FBN1: variants seen among roughly 807,000 people sequenced by gnomAD.
The protein encoded by FBN1 is fibrillin 1.
Under a neutral mutation model 365.1 loss-of-function variants are expected in FBN1, and 29 were observed. That is an observed-to-expected ratio of 0.08 (90% CI 0.06 to 0.11). The LOEUF is 0.11. Among genes scored for constraint, FBN1 ranks in the 10% least tolerant of loss-of-function variants. The pLI, the probability that FBN1 is intolerant of heterozygous loss-of-function variation, is 1.00. For missense variants in FBN1, 2,476 were observed against 3,703.2 expected (o/e 0.67, Z 8.60); for synonymous variants, 1,210 against 1,270.5 (o/e 0.95, Z 1.01).
At position 48,644,822 on chromosome 15, in the gene FBN1, T is replaced by TCTGCGGCCGCCG; in HGVS notation, c.-65_-54dup. On this transcript the variant is annotated 5_prime_UTR_variant, in exon 2 of 66. Transcript: ENST00000316623. Reference sequence around the variant, plus strand: ...GCCTCTTGCCGCGCCCGGGGCTCGGTCTGCGGCCGCCGCTGCGCCCTGAAG... The same window carrying TCTGCGGCCGCCG: ...GCCTCTTGCCGCGCCCGGGGCTCGGTCTGCGGCCGCCGCTGCGGCCGCCGCTGCGCCCTGAAG... 4 of 1,560,758 alleles carry TCTGCGGCCGCCG rather than the reference T, an allele frequency of 2.6e-6. No individual in the cohort carries two copies. The highest frequency in any genetic ancestry group is 1.1e-5 in the South Asian group (1 of 88,332).
Position 48,445,443 on chromosome 15 carries a change from T to A in FBN1, c.5850A>T (p.Thr1950=). Residue 1950 remains threonine (T), a synonymous_variant, in exon 48 of 66, where the codon ACA becomes ACT. Coordinates refer to ENST00000316623, the MANE Select transcript of FBN1 (RefSeq NM_000138.5). ...TGCACTGGCACTGGAAAGACCCCAC[T>A]GTATTAATGCATTGGCCATTTCTGC... ...NLCRNGQCIN[T]VGSFQCQCNE... The A allele has an allele frequency of 6.2e-7, 1 of 1,612,878 alleles. No individual in the cohort carries two copies.
At chr15:48,602,381 G>A (rs1044163384) in intron 4 of FBN1, among the ~76,000 whole-genome samples, 2 of 152,140 alleles carry the variant, frequency 1.3e-5, no homozygotes, top group African/African-American at 4.8e-5. Flanking sequence ...GAGTGGGAGA[G>A]CATTAATTAT....
At chr15:48,502,661 T>C (rs537578285) in intron 17 of FBN1, among the ~76,000 whole-genome samples, 2 of 152,356 alleles carry the variant, frequency 1.3e-5, no homozygotes, top group South Asian at 4.1e-4. Context: ...TAATCTATTC[T>C]TGTTTTATAA....
intron 2 of FBN1, among the ~76,000 whole-genome samples, chr15:48,621,085 T>C (rs1450873637): frequency 6.6e-6 from 1 of 152,136 alleles, no homozygotes; most frequent in African/African-American, 2.4e-5. Context: ...AAAAAATAAA[T>C]ATCCATAAGT....
chr15:48,494,963 T>C (rs868817672), intron 22 of FBN1, among the ~76,000 whole-genome samples, 160 bp downstream of exon 22: 1 of 152,214 alleles, frequency 6.6e-6, no homozygotes, highest in African/African-American at 2.4e-5. Context: ...CACATAAAAT[T>C]TGACACTTCT....
chr15:48,567,888 T>C (rs1362711467), intron 6 of FBN1, among the ~76,000 whole-genome samples: 1 of 151,970 alleles, frequency 6.6e-6, no homozygotes, highest in Non-Finnish European at 1.5e-5. Flanking sequence ...GCTTTCTTTC[T>C]AATATCAGGA....
intron 4 of FBN1, among the ~76,000 whole-genome samples, chr15:48,608,205 A>T (rs1450970841): frequency 6.6e-6 from 1 of 152,220 alleles, no homozygotes; most frequent in Non-Finnish European, 1.5e-5. Context: ...CACTTCTTCC[A>T]TTCTGTTCAT....
At chr15:48,499,712 A>G (rs917364265) in intron 17 of FBN1, among the ~76,000 whole-genome samples, 8 of 146,824 alleles carry the variant, frequency 5.4e-5, no homozygotes, top group Non-Finnish European at 1.0e-4. Flanking sequence ...CTTAAAATTA[A>G]TACCATGTTT....
intron 2 of FBN1, among the ~76,000 whole-genome samples, chr15:48,638,618 T>A (rs1597648855): frequency 2.2e-4 from 1 of 4,496 alleles, no homozygotes; most frequent in South Asian, 0.012. Context: ...ACATCAGAGC[T>A]TTTTTTTTTT....
chr15:48,542,696 C>G (rs774057165), intron 6 of FBN1, among the ~76,000 whole-genome samples: 23 of 151,706 alleles, frequency 1.5e-4, no homozygotes, highest in Non-Finnish European at 3.4e-4. Context: ...CCATGGAACC[C>G]GATTCAGTAG....
intron 34 of FBN1, among the ~76,000 whole-genome samples, chr15:48,473,163 T>C (rs1007227511): frequency 3.3e-5 from 5 of 152,220 alleles, no homozygotes; most frequent in African/African-American, 1.2e-4. Flanking sequence ...TACATGGAAT[T>C]TGAATATGTT....
chr15:48,558,266 A>G (rs1173067839), intron 6 of FBN1, among the ~76,000 whole-genome samples: 1 of 152,236 alleles, frequency 6.6e-6, no homozygotes, highest in Non-Finnish European at 1.5e-5. Flanking sequence ...AGTTCAGCAC[A>G]TAAAAAATTA....
rs756439349 is a variant in FBN1 at position 48,428,523 on chromosome 15, T to C, written c.6872-52A>G. The stretch of plus-strand genomic sequence containing the variant: ...AACAAGAAGAGTCATCTGACCATTT[T>C]ATAGAGGATGGAGCTCCTTCCTTCG... On this transcript the variant is annotated intron_variant, in intron 56 of 65. Transcript: ENST00000316623. 3.7e-6 allele frequency: 6 copies of C among 1,606,488 alleles called. No individual in the cohort carries two copies. In the South Asian group the frequency reaches 5.5e-5, roughly 15 times the overall value.
chr15:48,521,609 C>T (rs1032776377), intron 9 of FBN1, among the ~76,000 whole-genome samples: 7 of 152,120 alleles, frequency 4.6e-5, no homozygotes, highest in East Asian at 1.9e-4. Context: ...TCATGACATC[C>T]GACACACTGC....
chr15:48,490,086 A>G lies in FBN1; in HGVS notation c.2855-8T>C, dbSNP rs193922195. 7 of 1,613,386 alleles carry G rather than the reference A, an allele frequency of 4.3e-6. No homozygotes were observed. The South Asian group carries it at 7.7e-5, about 18-fold the overall frequency. On this transcript the variant is annotated splice_region_variant and splice_polypyrimidine_tract_variant and intron_variant, in intron 24 of 65. Coordinates refer to ENST00000316623, the MANE Select transcript of FBN1 (RefSeq NM_000138.5). ...AGGTTTCCAGGCGGATATCTGTCAG[A>G]GGGAATCAAGGGAGGTTAAATAGAG...
At position 48,446,691 on chromosome 15, in the gene FBN1, A is replaced by G. The variant is rs543458649; in HGVS notation, c.5788+15T>C. On this transcript the variant is annotated intron_variant, in intron 47 of 65. Transcript: ENST00000316623. ...AACTGACTTCCTTTGCTGATGCACA[A>G]TTTTGCACACGCACCTATACAGTCA... 27 of 1,524,958 alleles carry G rather than the reference A, an allele frequency of 1.8e-5. No homozygotes were observed. The highest frequency in any genetic ancestry group is 1.6e-4 in the East Asian group (7 of 44,518). 94.5% of individuals were successfully genotyped at this position (1,524,958 alleles called of 1,614,324 possible).
At chr15:48,523,914 T>G (rs1022214219) in intron 9 of FBN1, among the ~76,000 whole-genome samples, 2 of 152,238 alleles carry the variant, frequency 1.3e-5, no homozygotes, top group Admixed American at 6.5e-5. Flanking sequence ...TTTTCTCCCC[T>G]TTTGAATCAC....
chr15:48,520,877 C>T lies in FBN1; in HGVS notation c.989-60G>A. Reference sequence around the variant, plus strand: ...CGCTGAGATAATACTTGTAACAACACTCCCCTGCCCGAGCAGCTCCATACT... The same window carrying T: ...CGCTGAGATAATACTTGTAACAACATTCCCCTGCCCGAGCAGCTCCATACT... On this transcript the variant is annotated intron_variant, in intron 9 of 65. Coordinates refer to ENST00000316623, the MANE Select transcript of FBN1 (RefSeq NM_000138.5). The T allele has an allele frequency of 6.2e-6, 10 of 1,607,920 alleles. No homozygotes were observed. In the Admixed American group the frequency reaches 1.3e-4, roughly 21 times the overall value.
At chr15:48,541,945 A>C (rs956907049) in intron 6 of FBN1, among the ~76,000 whole-genome samples, 1 of 152,174 alleles carries the variant, frequency 6.6e-6, no homozygotes, top group African/African-American at 2.4e-5. Context: ...GTCTTTCCAA[A>C]ATTAAAGTGC....
Sources: gnomAD v4.1 joint callset for allele counts (sites outside exome capture counted in the v4.1 genomes callset) on GRCh38, gnomAD v4.1.1 for gene constraint, MANE v1.5 for transcripts, NCBI Gene and HGNC (gene_info 2026-07-23, HGNC 2026-07-21) for gene names.